The following PTPRD variants were observed in gnomAD, a reference collection of about 807,000 sequenced individuals.
PTPRD encodes the protein receptor-type tyrosine-protein phosphatase delta.
A neutral mutation model predicts 214.5 loss-of-function variants in PTPRD; 34 were observed. That is an observed-to-expected ratio of 0.16 (90% CI 0.12 to 0.21). PTPRD has a LOEUF of 0.21. Ranked by LOEUF, PTPRD falls within the 10% of genes least tolerant of loss-of-function variation. The pLI is 1.00. For synonymous variants in PTPRD, 1,128 were observed against 845.7 expected (o/e 1.33, Z -5.79); for missense variants, 2,545 against 2,398.7 (o/e 1.06, Z -1.27).
chr9:8,728,436 G>A (rs2154430063), intron 12 of PTPRD, among the ~76,000 whole-genome samples: 1 of 152,280 alleles, frequency 6.6e-6, no homozygotes, highest in South Asian at 2.1e-4. Context: ...GTCCTCAAAT[G>A]ATCCTCCTGC....
At chr9:9,616,176 T>A (rs929002838) in intron 7 of PTPRD, among the ~76,000 whole-genome samples, 1 of 152,190 alleles carries the variant, frequency 6.6e-6, no homozygotes, top group Non-Finnish European at 1.5e-5. Context: ...TCCGATAACA[T>A]ACAGAGGTCT....
chr9:10,523,640 G>GAGAGAGAGAGAGAGAGAAATAA (rs1405437231), intron 2 of PTPRD, among the ~76,000 whole-genome samples: 3 of 66,194 alleles, frequency 4.5e-5, no homozygotes, highest in African/African-American at 1.0e-4. Flanking sequence ...AAGAAAGGGA[G>GAGAGAGAGAGAGAGAGAAATAA]AGAGAGAGAG....
At chr9:9,921,297 T>G (rs2153873126) in intron 5 of PTPRD, among the ~76,000 whole-genome samples, 1 of 152,118 alleles carries the variant, frequency 6.6e-6, no homozygotes, top group Middle Eastern at 3.4e-3. Flanking sequence ...TAAGATAGGG[T>G]TTCTGTTTGC....
intron 25 of PTPRD, among the ~76,000 whole-genome samples, chr9:8,497,779 G>GA (rs1160795187): frequency 1.3e-5 from 2 of 151,802 alleles, no homozygotes. Context: ...AAGAAGAAGA[G>GA]AAAAAAAGAC....
intron 7 of PTPRD, among the ~76,000 whole-genome samples, chr9:9,643,967 T>G (rs985399153): frequency 6.6e-6 from 1 of 152,202 alleles, no homozygotes; most frequent in Admixed American, 6.5e-5. Flanking sequence ...TTGTACAAAT[T>G]CTACTGTCTG....
chr9:9,223,078 G>C (rs879797518), intron 9 of PTPRD, among the ~76,000 whole-genome samples: 26 of 152,088 alleles, frequency 1.7e-4, no homozygotes, highest in Middle Eastern at 3.4e-3. Context: ...TTCTACTTAT[G>C]AGAAACATAA....
chr9:8,594,408 G>T (rs1028349370), intron 14 of PTPRD, among the ~76,000 whole-genome samples: 1 of 152,078 alleles, frequency 6.6e-6, no homozygotes, highest in Non-Finnish European at 1.5e-5. Flanking sequence ...AAAATGTTTG[G>T]CACAAACATC....
intron 8 of PTPRD, among the ~76,000 whole-genome samples, chr9:9,536,918 G>T (rs958095085): frequency 1.3e-5 from 2 of 151,932 alleles, no homozygotes; most frequent in African/African-American, 4.8e-5. Context: ...GAGTGGAAAG[G>T]GTAGTGTAGT....
chr9:10,471,698 T>A (rs1451424358), intron 2 of PTPRD, among the ~76,000 whole-genome samples: 2 of 152,144 alleles, frequency 1.3e-5, no homozygotes, highest in Non-Finnish European at 2.9e-5. Context: ...AAAGACTTCA[T>A]GGAAATATTT....
chr9:8,850,786 C>G (rs774557499), intron 11 of PTPRD, among the ~76,000 whole-genome samples: 9 of 152,150 alleles, frequency 5.9e-5, no homozygotes, highest in Non-Finnish European at 1.3e-4. Flanking sequence ...GTTACTACTA[C>G]AAGTAGTTGG....
chr9:9,391,753 G>A (rs10759057), intron 9 of PTPRD, among the ~76,000 whole-genome samples: 40,360 of 152,030 alleles, frequency 0.27, 5,503 homozygotes, highest in Middle Eastern at 0.3. Context: ...AAACATGGGA[G>A]GTGGGCCCTG....
intron 7 of PTPRD, among the ~76,000 whole-genome samples, chr9:9,578,045 CAAAAAAAA>C (rs34128512): frequency 1.9e-4 from 19 of 102,392 alleles, no homozygotes; most frequent in Middle Eastern, 6.2e-3. Flanking sequence ...GACTCTGTCT[CAAAAAAAA>C]AAAAAAAAAA....
chr9:9,157,525 G>A (rs752959543), intron 10 of PTPRD, among the ~76,000 whole-genome samples: 1 of 152,046 alleles, frequency 6.6e-6, no homozygotes, highest in African/African-American at 2.4e-5. Flanking sequence ...AGAAGAAATG[G>A]ATAAATTCCT....
rs139215583 is a variant in PTPRD at position 8,766,048 on chromosome 9, G to A, written c.-103-32102C>T. ...GCCCAGCATCAGGGACTGTCTTTAAGGCCCTCTTGGTGGATAGTCATTGGT... is the reference window on the plus strand; with the variant it reads ...GCCCAGCATCAGGGACTGTCTTTAAAGCCCTCTTGGTGGATAGTCATTGGT... On this transcript the variant is annotated intron_variant, in intron 11 of 45. Transcript: ENST00000381196. Among the ~76,000 whole-genome samples, 288 of 152,106 alleles carry A rather than the reference G, an allele frequency of 1.9e-3. 1 individual carries two copies. Among genetic ancestry groups the A allele is most frequent in the African/African-American group, 6.5e-3 (269 of 41,488 alleles).
chr9:10,283,417 T>C (rs2095223709), intron 3 of PTPRD, among the ~76,000 whole-genome samples: 1 of 152,208 alleles, frequency 6.6e-6, no homozygotes, highest in Admixed American at 6.6e-5. Context: ...GACGAGGTCC[T>C]CAACACGATA....
chr9:9,743,170 T>G (rs2098421723), intron 6 of PTPRD, among the ~76,000 whole-genome samples: 1 of 152,168 alleles, frequency 6.6e-6, no homozygotes, highest in South Asian at 2.1e-4. Flanking sequence ...ATAAAATATG[T>G]ATGAATGATA....
chr9:8,617,006 C>A (rs1334537837), intron 14 of PTPRD, among the ~76,000 whole-genome samples: 1 of 152,076 alleles, frequency 6.6e-6, no homozygotes, highest in African/African-American at 2.4e-5. Context: ...TATTCGAACA[C>A]CCCTGTGAGT....
intron 7 of PTPRD, among the ~76,000 whole-genome samples, chr9:9,605,861 G>A (rs1158573284): frequency 6.6e-6 from 1 of 152,012 alleles, no homozygotes; most frequent in East Asian, 1.9e-4. Flanking sequence ...CAACGATAAC[G>A]GAACTTGTCA....
chr9:9,911,336 T>C (rs753432992), intron 5 of PTPRD, among the ~76,000 whole-genome samples: 2 of 152,048 alleles, frequency 1.3e-5, no homozygotes, highest in African/African-American at 2.4e-5. Context: ...TGTGATTCTA[T>C]CTAATTAAAA....
Sources: allele counts gnomAD v4.1 joint callset (sites outside exome capture counted in the v4.1 genomes callset), GRCh38; gene constraint gnomAD v4.1.1; transcripts MANE v1.5; gene names NCBI Gene and HGNC (gene_info 2026-07-23, HGNC 2026-07-21).